FSIP2: variants seen among roughly 807,000 people sequenced by gnomAD.
FSIP2 encodes the protein fibrous sheath interacting protein 2.
A neutral mutation model predicts 510.5 loss-of-function variants in FSIP2; 367 were observed. That is an observed-to-expected ratio of 0.72 (90% CI 0.66 to 0.78). FSIP2 has a LOEUF of 0.78. FSIP2 is among the 30% of genes least tolerant of loss of function. The pLI is 0.00. For missense variants in FSIP2, 7,594 were observed against 7,901.7 expected (o/e 0.96, Z 1.48); for synonymous variants, 2,601 against 2,732.2 (o/e 0.95, Z 1.50).
At chr2:185,739,744 A>ATACTTATATAGTATATTAC (rs1691884623) in intron 2 of FSIP2, among the ~76,000 whole-genome samples, 1 of 152,174 alleles carries the variant, frequency 6.6e-6, no homozygotes, top group South Asian at 2.1e-4. Context: ...ATAAAACTTC[A>ATACTTATATAGTATATTAC]TATATACTTA....
At chr2:185,783,946 A>T (rs1484309919) in intron 14 of FSIP2, 1 of 152,146 alleles carries the variant, frequency 6.6e-6, no homozygotes, top group Non-Finnish European at 1.5e-5. Context: ...AGAACTCTAT[A>T]CCTTACCTGG....
rs1309349534 is a variant in FSIP2, at chr2:185,807,396, C to T, written c.18090C>T (p.Ser6030=). 3.7e-6 allele frequency: 6 copies of T among 1,607,724 alleles called. No individual in the cohort carries two copies. The Admixed American group carries it at 5.1e-5, about 14-fold the overall frequency. Residue 6030 remains serine (S), a synonymous_variant, in exon 17 of 23, where the codon AGC becomes AGT. Transcript: ENST00000424728. ...CCAAAATTTTCTCAACAATATCCAGCACAAAAACAAAAGAACCTGAGGACA... is the reference window on the plus strand; with the variant it reads ...CCAAAATTTTCTCAACAATATCCAGTACAAAAACAAAAGAACCTGAGGACA... The part of the protein sequence containing the change: ...LFSKIFSTIS[S]TKTKEPEDNL...
At chr2:185,739,190 G>A in intron 1 of FSIP2, 156 bp from the exon 2 acceptor site, 2 of 1,118,052 alleles carry the variant, frequency 1.8e-6, no homozygotes, top group South Asian at 3.3e-5. Context: ...GACGCCAGGA[G>A]AGCTGGTGAC....
At chr2:185,770,180 A>C (rs2105574122) in intron 13 of FSIP2, among the ~76,000 whole-genome samples, 1 of 152,302 alleles carries the variant, frequency 6.6e-6, no homozygotes, top group South Asian at 2.1e-4. Context: ...TCATTTTAAC[A>C]ATATTAATTC....
At chr2:185,826,120 A>C in intron 20 of FSIP2, among the ~76,000 whole-genome samples, 1 of 151,946 alleles carries the variant, frequency 6.6e-6, no homozygotes, top group South Asian at 2.1e-4. Flanking sequence ...GGTGTGTAGT[A>C]GGTTATACCA....
intron 10 of FSIP2, among the ~76,000 whole-genome samples, chr2:185,761,490 C>T (rs917554102): frequency 1.3e-5 from 2 of 151,174 alleles, no homozygotes; most frequent in African/African-American, 4.8e-5. Flanking sequence ...AATTGCTCCT[C>T]TAAAAGACTC....
chr2:185,813,091 A>C (rs1693767701), intron 17 of FSIP2, among the ~76,000 whole-genome samples: 1 of 152,010 alleles, frequency 6.6e-6, no homozygotes, highest in Admixed American at 6.6e-5. Flanking sequence ...AGATTTTAAA[A>C]CCATTATTTG....
intron 13 of FSIP2, among the ~76,000 whole-genome samples, chr2:185,782,225 G>A (rs564821637): frequency 6.3e-4 from 96 of 152,328 alleles, no homozygotes; most frequent in African/African-American, 2.2e-3. Flanking sequence ...CATAATTACT[G>A]TGTAGCATGA....
At position 185,793,931 on chromosome 2, in the gene FSIP2, C is replaced by G. The variant is rs1693203282; in HGVS notation, c.6795C>G (p.Ala2265=). ...KTIFKRLESF[A]TERIDSLITL... is the part of the protein sequence containing the mutation. ...TTTTTAAACGTTTGGAATCTTTTGC[C>G]ACAGAAAGAATAGATTCATTAATTA... The change falls in exon 16 of 23, where the codon GCC becomes GCG. Residue 2265 remains alanine (A), a synonymous_variant. Transcript: ENST00000424728. The G allele has an allele frequency of 6.6e-7, 1 of 1,524,968 alleles. No individual in the cohort carries two copies. Among genetic ancestry groups the G allele is most frequent in the Non-Finnish European group, 8.8e-7 (1 of 1,142,390 alleles). The allele number at this position is 1,524,968 out of a possible 1,614,324, so 94.5% of individuals were successfully genotyped here.
chr2:185,755,461 T>A (rs1409190127), intron 8 of FSIP2, among the ~76,000 whole-genome samples: 1 of 151,642 alleles, frequency 6.6e-6, no homozygotes, highest in Non-Finnish European at 1.5e-5. Flanking sequence ...GTTATTTAGA[T>A]ACACTGTTGA....
In FSIP2 at chr2:185,804,783, T is replaced by C; in HGVS notation, c.15477T>C (p.Asp5159=). 2 of 1,532,396 alleles carry C rather than the reference T, an allele frequency of 1.3e-6. No individual in the cohort carries two copies. The highest frequency in any genetic ancestry group is 1.2e-5 in the South Asian group (1 of 83,668). The allele number at this position is 1,532,396 out of a possible 1,614,324, so 94.9% of individuals were successfully genotyped here. Residue 5159 remains aspartate, a synonymous_variant, in exon 17 of 23, where the codon GAT becomes GAC. Coordinates refer to ENST00000424728, the MANE Select transcript of FSIP2 (RefSeq NM_173651.4). ...TGGAGGCAGCTTCAAAATTGACTGA[T>C]GAAATTATAAAAGAAATTTCTGAAC... ...EFVEAASKLT[D]EIIKEISEHE...
rs1263526460 is a variant in FSIP2 at position 185,794,931 on chromosome 2, T to A, written c.7795T>A (p.Tyr2599Asn). Residue 2599 changes from tyrosine (Y) to asparagine (N), a missense_variant, in exon 16 of 23, where the codon TAT becomes AAT. Transcript: ENST00000424728. ...AGGAAAAATAAGTAATTCCCCTAGA[T>A]ATGCGATATCACAGGCTTATTCTTA... ...QAGKISNSPRYAISQAYSYVD... is the reference protein window; with the variant it reads ...QAGKISNSPRNAISQAYSYVD... The A allele has an allele frequency of 5.2e-6, 8 of 1,533,832 alleles. No individual in the cohort carries two copies. The East Asian group carries it at 1.7e-4, about 33-fold the overall frequency.
chr2:185,793,317 G>T lies in FSIP2; in HGVS notation c.6181G>T (p.Asp2061Tyr). The part of the protein sequence containing the change: ...RKGKCDKNSS[D>Y]KEIDLDQQKG... The stretch of plus-strand genomic sequence containing the variant: ...AGGCAAATGTGACAAAAACAGTTCT[G>T]ACAAAGAGATCGATTTAGATCAGCA... The change falls in exon 16 of 23, where the codon GAC (aspartate) becomes TAC (tyrosine). Residue 2061 changes from aspartate to tyrosine, a missense_variant. By Grantham distance (160) the Asp-to-Tyr change is radical (BLOSUM62 -3). Coordinates refer to ENST00000424728, the MANE Select transcript of FSIP2 (RefSeq NM_173651.4). 6.5e-7 allele frequency: 1 copy of T among 1,534,146 alleles called. No individual in the cohort carries two copies. Among genetic ancestry groups the T allele is most frequent in the South Asian group, 1.2e-5 (1 of 83,982 alleles).
rs769748028 is a variant in FSIP2, at chr2:185,792,203, A to G, written c.5067A>G (p.Ala1689=). 57 of 1,532,318 alleles carry G rather than the reference A, an allele frequency of 3.7e-5. No individual in the cohort carries two copies. The East Asian group carries it at 9.3e-4, about 25-fold the overall frequency. The allele number at this position is 1,532,318 out of a possible 1,614,324, so 94.9% of individuals were successfully genotyped here. ...ATGTAGTCAAGTTAATTTTAGATGC[A>G]GTATCTTCCGATATGTTTAATGAAA... is the stretch of plus-strand genomic sequence containing the variant. ...LKYVVKLILD[A]VSSDMFNEME... is the part of the protein sequence containing the mutation. Residue 1689 remains alanine, a synonymous_variant, in exon 16 of 23, where the codon GCA becomes GCG. Transcript: ENST00000424728.
In FSIP2 at chr2:185,805,665, A is replaced by G. The variant is rs554703229; in HGVS notation, c.16359A>G (p.Pro5453=). The G allele has an allele frequency of 6.2e-7, 1 of 1,610,730 alleles. No individual in the cohort carries two copies. Among genetic ancestry groups the G allele is most frequent in the Admixed American group, 1.7e-5 (1 of 59,494 alleles). ...DQSYKDTSST[P]DCKNMMSTLE... ...CATATAAAGATACTTCTTCCACCCCAGATTGCAAAAACATGATGAGCACTT... is the reference window on the plus strand; with the variant it reads ...CATATAAAGATACTTCTTCCACCCCGGATTGCAAAAACATGATGAGCACTT... Residue 5453 remains proline (P), a synonymous_variant, in exon 17 of 23, where the codon CCA becomes CCG. Coordinates refer to ENST00000424728, the MANE Select transcript of FSIP2 (RefSeq NM_173651.4).
intron 18 of FSIP2, 69 bp downstream of exon 18, chr2:185,814,111 T>C (rs1693790368): frequency 7.1e-7 from 1 of 1,412,916 alleles, no homozygotes. Flanking sequence ...CCCAAGAATG[T>C]ACCTTGATTA....
rs541067301 is a variant in FSIP2, at chr2:185,807,051, A to G, written c.17745A>G (p.Lys5915=). ...CAATTGACAAAACATTGGTCAATAA[A>G]GTTGTTCACTCCTCTGTTTGTAATA... ...IPSIDKTLVN[K]VVHSSVCNIL... Residue 5915 remains lysine, a synonymous_variant, in exon 17 of 23, where the codon AAA becomes AAG. Coordinates refer to ENST00000424728, the MANE Select transcript of FSIP2 (RefSeq NM_173651.4). 28 of 1,593,348 alleles carry G rather than the reference A, an allele frequency of 1.8e-5. No homozygotes were observed. The East Asian group carries it at 5.4e-4, about 31-fold the overall frequency.
chr2:185,817,894 G>T (rs1240067268), intron 19 of FSIP2, among the ~76,000 whole-genome samples: 1 of 151,830 alleles, frequency 6.6e-6, no homozygotes, highest in African/African-American at 2.4e-5. Context: ...TTATAAAAAA[G>T]AACCAAACAG....
chr2:185,808,969 AAGC>A lies in FSIP2; in HGVS notation c.19666_19668del (p.Gln6556del). The A allele has an allele frequency of 6.2e-7, 1 of 1,611,762 alleles. No homozygotes were observed. The highest frequency in any genetic ancestry group is 2.2e-5 in the East Asian group (1 of 44,692). On this transcript the variant is annotated inframe_deletion, in exon 17 of 23. Coordinates refer to ENST00000424728, the MANE Select transcript of FSIP2 (RefSeq NM_173651.4). ...AAAAACTCAACCTCTTGAGAAACTT[AAGC>A]AGGAGTGTTTGAAAAGAACTGGACA...
Sources: gnomAD v4.1 joint callset for allele counts (sites outside exome capture counted in the v4.1 genomes callset) on GRCh38, gnomAD v4.1.1 for gene constraint, MANE v1.5 for transcripts, NCBI Gene and HGNC (gene_info 2026-07-23, HGNC 2026-07-21) for gene names.